The following MYO18B variants were observed in gnomAD, a reference collection of about 807,000 sequenced individuals.
The protein encoded by MYO18B is myosin XVIIIB.
MYO18B carries 204 observed loss-of-function variants against 273.0 expected under a neutral mutation model. The ratio of observed to expected loss-of-function variants is 0.75; its 90% CI spans 0.67 to 0.84. The LOEUF is 0.84. Among genes scored for constraint, MYO18B ranks in the 40% least tolerant of loss-of-function variants. The pLI is 0.00. For missense variants in MYO18B, 3,212 were observed against 3,287.6 expected, an observed-to-expected ratio of 0.98 and a Z score of 0.56; for synonymous variants, 1,330 against 1,305.7, an observed-to-expected ratio of 1.02 and a Z score of -0.40.
chr22:25,989,641 A>C (rs867619540), intron 39 of MYO18B, among the ~76,000 whole-genome samples: 15,872 of 148,898 alleles, frequency 0.11, 1,269 homozygotes, highest in South Asian at 0.15. Context: ...AAAAAAAAAA[A>C]AAAAAAAAAA....
Position 25,932,715 on chromosome 22 carries a change from A to G in MYO18B, c.5517+11306A>G, listed in dbSNP as rs1400967958. Among the ~76,000 whole-genome samples, 3 of 152,100 alleles carry G rather than the reference A, an allele frequency of 2.0e-5. No individual in the cohort carries two copies. The East Asian group carries it at 5.8e-4, about 29-fold the overall frequency. ...GTGAGCCACTGCGCCCTGCCTAAAAATATTTTCTAATCCAGGAGTTGGCAA... is the reference window on the plus strand; with the variant it reads ...GTGAGCCACTGCGCCCTGCCTAAAAGTATTTTCTAATCCAGGAGTTGGCAA... On this transcript the variant is annotated intron_variant, in intron 34 of 43. Coordinates refer to ENST00000335473, the MANE Select transcript of MYO18B (RefSeq NM_032608.7).
rs1181462555 is a variant in MYO18B, at chr22:26,027,660, G to T, written c.7686G>T (p.Lys2562Asn). The T allele has an allele frequency of 2.5e-6, 4 of 1,612,318 alleles. No individual in the cohort carries two copies. Among genetic ancestry groups the T allele is most frequent in the Middle Eastern group, 1.7e-4 (1 of 6,056 alleles). The change falls in exon 43 of 44, where the codon AAG becomes AAT. Residue 2562 changes from lysine to asparagine, a missense_variant. By Grantham distance (94) the Lys-to-Asn change is moderately conservative. Transcript: ENST00000335473. The surrounding 1 kb of genome is among the most constrained non-coding windows in gnomAD (Gnocchi z 4.1). ...ACGACGATGTTGCGAGCATAATGAA[G>T]AAATACCTCCAGAAGTAGGAACCAG... ...RKDDDVASIMKKYLQK is the reference protein window; with the variant it reads ...RKDDDVASIMNKYLQK
intron 14 of MYO18B, among the ~76,000 whole-genome samples, chr22:25,828,192 G>A (rs993094536): frequency 6.6e-6 from 1 of 151,918 alleles, no homozygotes; most frequent in East Asian, 1.9e-4. Flanking sequence ...CTGAGACGGT[G>A]GCTAAGACGG....
intron 17 of MYO18B, among the ~76,000 whole-genome samples, chr22:25,839,770 A>G (rs1245493070): frequency 6.6e-6 from 1 of 152,188 alleles, no homozygotes; most frequent in Non-Finnish European, 1.5e-5. Flanking sequence ...CAGATCCAAA[A>G]GAAGCCAAGA....
At chr22:25,752,288 C>T (rs1186365235) in intron 1 of MYO18B, among the ~76,000 whole-genome samples, 2 of 149,850 alleles carry the variant, frequency 1.3e-5, no homozygotes, top group South Asian at 2.1e-4. Flanking sequence ...CCCGGGTTCA[C>T]GCCATTCTCC....
rs528417013 is a variant in MYO18B at position 25,877,716 on chromosome 22, C to T, written c.4225-243C>T. Among the ~76,000 whole-genome samples, 11 of 152,294 alleles carry T rather than the reference C, an allele frequency of 7.2e-5. No homozygotes were observed. In the South Asian group the frequency reaches 1.5e-3, roughly 20 times the overall value. ...CTCCTGACCTCAGGTGATCCGCCCG[C>T]CTCAGCCTCCCAAAGTGCTGGGATT... On this transcript the variant is annotated intron_variant, in intron 24 of 43. Coordinates refer to ENST00000335473, the MANE Select transcript of MYO18B (RefSeq NM_032608.7).
intron 17 of MYO18B, among the ~76,000 whole-genome samples, chr22:25,839,221 T>C (rs948102218): frequency 1.3e-5 from 2 of 152,060 alleles, no homozygotes; most frequent in Non-Finnish European, 2.9e-5. Context: ...TGTATATGTG[T>C]GTGTATATAT....
At chr22:25,866,749 G>C (rs12166793) in intron 21 of MYO18B, among the ~76,000 whole-genome samples, 6,522 of 120,058 alleles carry the variant, frequency 0.054, 185 homozygotes, top group Middle Eastern at 0.11. Flanking sequence ...TGGGGCAGGA[G>C]AATCCCAGCC....
At position 25,934,992 on chromosome 22, in the gene MYO18B, G is replaced by A. The variant is rs914498966; in HGVS notation, c.5518-11145G>A. On this transcript the variant is annotated intron_variant, in intron 34 of 43. Coordinates refer to ENST00000335473, the MANE Select transcript of MYO18B (RefSeq NM_032608.7). The stretch of plus-strand genomic sequence containing the variant: ...CTCGTGTGGGTGTGTGCACACACGC[G>A]GTGTGTTTTCTTTTTAGCAAAATAA... 3.3e-5 allele frequency among the ~76,000 whole-genome samples: 5 copies of A among 151,980 alleles called. No homozygotes were observed. The South Asian group carries it at 6.2e-4, about 19-fold the overall frequency.
intron 40 of MYO18B, among the ~76,000 whole-genome samples, chr22:25,997,972 C>CG (rs1264446314): frequency 1.1e-4 from 12 of 110,650 alleles, no homozygotes; most frequent in African/African-American, 4.4e-4. Flanking sequence ...CACACACACA[C>CG]ACACACGAGA....
intron 42 of MYO18B, among the ~76,000 whole-genome samples, chr22:26,019,934 A>G (rs140500168): frequency 1.3e-5 from 2 of 152,292 alleles, no homozygotes; most frequent in Non-Finnish European, 2.9e-5. Context: ...GGTTCATTAC[A>G]TCGCAGTGGA....
chr22:25,975,784 A>G (rs1318555429), intron 39 of MYO18B, among the ~76,000 whole-genome samples: 1 of 152,170 alleles, frequency 6.6e-6, no homozygotes, highest in African/African-American at 2.4e-5. Context: ...TGCATTTCCA[A>G]CCAGCAACCA....
At chr22:25,831,283 C>T (rs1022056247) in intron 15 of MYO18B, among the ~76,000 whole-genome samples, 1 of 152,198 alleles carries the variant, frequency 6.6e-6, no homozygotes, top group African/African-American at 2.4e-5. Context: ...ATTCCCTCTC[C>T]TATAGACATC....
chr22:25,857,184 G>A (rs1188712956), intron 21 of MYO18B, among the ~76,000 whole-genome samples: 4 of 152,218 alleles, frequency 2.6e-5, no homozygotes, highest in Admixed American at 2.6e-4. Context: ...AGGCAGGTCA[G>A]TGAAGGCACT....
In MYO18B at chr22:25,946,246, G is replaced by A; in HGVS notation, c.5627G>A (p.Ser1876Asn). 1.9e-6 allele frequency: 3 copies of A among 1,569,458 alleles called. No individual in the cohort carries two copies. The highest frequency in any genetic ancestry group is 2.6e-6 in the Non-Finnish European group (3 of 1,158,638). The change falls in exon 35 of 44, where the codon AGC becomes AAC. Residue 1876 changes from serine (S) to asparagine (N), a missense_variant. Transcript: ENST00000335473. Reference protein sequence around the residue: ...SELENMTRNKSLVDEQLYRLQ... With the variant: ...SELENMTRNKNLVDEQLYRLQ... ...CTGGAGAACATGACGCGGAACAAGA[G>A]CCTGGTACCTGTCCCTTCCTGCAGC... is the stretch of plus-strand genomic sequence containing the variant.
At chr22:25,997,978 C>CAAGAGAGAGAGAGA (rs34431605) in intron 40 of MYO18B, among the ~76,000 whole-genome samples, 2 of 144,550 alleles carry the variant, frequency 1.4e-5, no homozygotes, top group Non-Finnish European at 3.0e-5. Context: ...CACACACACA[C>CAAGAGAGAGAGAGA]GAGAGAGAGA....
rs1357997839 is a variant in MYO18B at position 25,883,918 on chromosome 22, T to C, written c.4314+5870T>C. Among the ~76,000 whole-genome samples the C allele has an allele frequency of 6.6e-6, 1 of 152,054 alleles. No individual in the cohort carries two copies. Among genetic ancestry groups the C allele is most frequent in the Non-Finnish European group, 1.5e-5 (1 of 67,994 alleles). On this transcript the variant is annotated intron_variant, in intron 25 of 43. Transcript: ENST00000335473. The surrounding 1 kb of genome is among the most constrained non-coding windows in gnomAD (Gnocchi z 7.6). Reference sequence around the variant, plus strand: ...AAATGTGCCTTGATGCAAACTGGGGTTTTTTTATTTTCATAAGAAGGCAGT... The same window carrying C: ...AAATGTGCCTTGATGCAAACTGGGGCTTTTTTATTTTCATAAGAAGGCAGT...
At chr22:25,930,009 G>A (rs1311518393) in intron 34 of MYO18B, among the ~76,000 whole-genome samples, 13 of 152,080 alleles carry the variant, frequency 8.5e-5, no homozygotes, top group African/African-American at 3.1e-4. Flanking sequence ...CTACCCTCCT[G>A]TCACCCCTCA....
At chr22:25,813,266 C>T (rs1483952856) in intron 12 of MYO18B, among the ~76,000 whole-genome samples, 4 of 151,296 alleles carry the variant, frequency 2.6e-5, no homozygotes, top group Non-Finnish European at 5.9e-5. Flanking sequence ...CTCACCGCAA[C>T]CTCCACCTCC....
Sources: gnomAD v4.1 joint callset for allele counts (sites outside exome capture counted in the v4.1 genomes callset) on GRCh38, gnomAD v4.1.1 for gene constraint, Gnocchi (gnomAD v3.1) non-coding constraint, MANE v1.5 for transcripts, NCBI Gene and HGNC (gene_info 2026-07-23, HGNC 2026-07-21) for gene names.